Variants in GXYLT2 observed in about 807,000 individuals in gnomAD.
The protein encoded by GXYLT2 is glycosyltransferase 8 domain containing 4.
A neutral mutation model predicts 45.8 loss-of-function variants in GXYLT2; 53 were observed. The ratio of observed to expected loss-of-function variants is 1.16; its 90% CI spans 0.93 to 1.46. GXYLT2 has a LOEUF of 1.46. GXYLT2 is among the 40% of genes most tolerant of loss of function. GXYLT2 has a pLI of 0.00. For missense variants in GXYLT2, 551 were observed against 544.4 expected (o/e 1.01, Z -0.12); for synonymous variants, 219 against 214.2 (o/e 1.02, Z -0.19).
chr3:72,969,692 G>T (rs1710948056), intron 6 of GXYLT2, among the ~76,000 whole-genome samples: 1 of 152,020 alleles, frequency 6.6e-6, no homozygotes, highest in African/African-American at 2.4e-5. Context: ...GATTAGTTGT[G>T]ACAAAGGACA....
chr3:72,935,866 T>C (rs909431813), intron 3 of GXYLT2, among the ~76,000 whole-genome samples: 1 of 152,136 alleles, frequency 6.6e-6, no homozygotes, highest in African/African-American at 2.4e-5. Context: ...TCTAATGTAC[T>C]CCACTGAAAT....
intron 1 of GXYLT2, among the ~76,000 whole-genome samples, chr3:72,891,727 TA>T (rs1408072229): frequency 6.6e-6 from 1 of 152,154 alleles, no homozygotes; most frequent in African/African-American, 2.4e-5. Flanking sequence ...TGAAATGGTA[TA>T]AAAAATGAAA....
At chr3:72,952,229 C>T (rs7612764) in intron 3 of GXYLT2, among the ~76,000 whole-genome samples, 2,359 of 152,094 alleles carry the variant, frequency 0.016, 52 homozygotes, top group African/African-American at 0.05. Context: ...TCTCAAACTC[C>T]TGACCTAAAG....
intron 2 of GXYLT2, among the ~76,000 whole-genome samples, chr3:72,917,158 T>C (rs1487595772): frequency 1.3e-5 from 2 of 152,064 alleles, no homozygotes; most frequent in Non-Finnish European, 2.9e-5. Context: ...CCAGGTGGAG[T>C]GCAGTGGTGC....
At chr3:72,944,956 T>G (rs1249432934) in intron 3 of GXYLT2, among the ~76,000 whole-genome samples, 1 of 152,102 alleles carries the variant, frequency 6.6e-6, no homozygotes, top group African/African-American at 2.4e-5. Flanking sequence ...GGCAATGCAG[T>G]GGTTTTCCTT....
chr3:72,955,162 T>C lies in GXYLT2; in HGVS notation c.665T>C (p.Val222Ala). 1 of 1,614,018 alleles carries C rather than the reference T, an allele frequency of 6.2e-7. No homozygotes were observed. The highest frequency in any genetic ancestry group is 8.5e-7 in the Non-Finnish European group (1 of 1,179,872). ...VDTDVLFLRP[V>A]DDIWKLLRLF... ...ACCGATGTCCTCTTTCTGAGACCTG[T>C]TGATGACATCTGGAAGCTTCTGAGG... is the stretch of plus-strand genomic sequence containing the variant. The change falls in exon 4 of 7, where the codon GTT becomes GCT. Residue 222 changes from valine to alanine, a missense_variant. Physicochemically the swap from Val to Ala is moderately conservative, Grantham distance 64. Coordinates refer to ENST00000389617, the MANE Select transcript of GXYLT2 (RefSeq NM_001080393.2).
intron 1 of GXYLT2, among the ~76,000 whole-genome samples, chr3:72,893,640 A>G (rs1227850443): frequency 2.6e-5 from 4 of 152,218 alleles, no homozygotes; most frequent in East Asian, 3.8e-4. Flanking sequence ...TACTTGTTGA[A>G]TGAACTAATG....
intron 1 of GXYLT2, among the ~76,000 whole-genome samples, chr3:72,897,869 CTAGAACCTCTCTAGTTTTTTGT>C (rs1709322515): frequency 2.0e-5 from 3 of 152,042 alleles, no homozygotes; most frequent in South Asian, 4.1e-4. Flanking sequence ...TGATAGCTTT[CTAGAACCTCTCTAGTTTTTTGT>C]TAGAACCTCT....
intron 3 of GXYLT2, among the ~76,000 whole-genome samples, chr3:72,954,287 T>C (rs1220593038): frequency 6.6e-6 from 1 of 151,692 alleles, no homozygotes; most frequent in Non-Finnish European, 1.5e-5. Context: ...TTTGTATTTT[T>C]AGTAGAGACA....
chr3:72,928,996 C>T, intron 3 of GXYLT2: 5 of 1,174,050 alleles, frequency 4.3e-6, no homozygotes, highest in Non-Finnish European at 6.2e-6. Context: ...GGCCCGCCGC[C>T]GCTCCAGCGC....
At chr3:72,889,907 G>GGTTT (rs1215251183) in intron 1 of GXYLT2, among the ~76,000 whole-genome samples, 10 of 118,796 alleles carry the variant, frequency 8.4e-5, no homozygotes, top group African/African-American at 3.3e-4. Context: ...TTTTTTTTTT[G>GGTTT]TTTTTTTTTT....
At chr3:72,958,551 TG>T (rs1366536699) in intron 5 of GXYLT2, among the ~76,000 whole-genome samples, 22 of 151,928 alleles carry the variant, frequency 1.4e-4, no homozygotes, top group African/African-American at 5.3e-4. Context: ...AAAAGCAGGT[TG>T]ATACAGAGTT....
At chr3:72,928,834 A>T (rs1709967568) in intron 3 of GXYLT2, among the ~76,000 whole-genome samples, 1 of 152,154 alleles carries the variant, frequency 6.6e-6, no homozygotes, top group Non-Finnish European at 1.5e-5. Context: ...ATTAGAAAAT[A>T]TTCACTTTGC....
chr3:72,963,723 A>C (rs893966335), intron 5 of GXYLT2, among the ~76,000 whole-genome samples: 16 of 133,164 alleles, frequency 1.2e-4, no homozygotes, highest in African/African-American at 4.6e-4. Flanking sequence ...CCCAGGCTGG[A>C]GGGCAATGGC....
intron 1 of GXYLT2, among the ~76,000 whole-genome samples, chr3:72,894,058 C>A (rs1709234385): frequency 6.6e-6 from 1 of 152,196 alleles, no homozygotes; most frequent in African/African-American, 2.4e-5. Context: ...ACTTATTTTA[C>A]ATTATTAAAC....
chr3:72,938,070 C>T (rs4677211), intron 3 of GXYLT2, among the ~76,000 whole-genome samples: 79,046 of 151,794 alleles, frequency 0.52, 22,799 homozygotes, highest in Non-Finnish European at 0.63. Flanking sequence ...CTGGCCTGGG[C>T]AACACAGTGA....
At chr3:72,956,044 C>G (rs907622199) in intron 4 of GXYLT2, among the ~76,000 whole-genome samples, 5 of 152,208 alleles carry the variant, frequency 3.3e-5, no homozygotes, top group African/African-American at 1.2e-4. Context: ...CGCCACTGTA[C>G]TCCAGCCTGG....
At chr3:72,954,900 C>T (rs950629709) in intron 3 of GXYLT2, among the ~76,000 whole-genome samples, 198 bp from the exon 4 acceptor site, 1 of 152,120 alleles carries the variant, frequency 6.6e-6, no homozygotes, top group Non-Finnish European at 1.5e-5. Context: ...GTCTCTACCT[C>T]TTGATTGACA....
At position 72,966,681 on chromosome 3, in the gene GXYLT2, G is replaced by C. The variant is rs550064448; in HGVS notation, c.977-866G>C. On this transcript the variant is annotated intron_variant, in intron 5 of 6. Transcript: ENST00000389617. ...GTCTTATTTTGTTGCTCAGGGTGGA[G>C]TGTAGTGGTGCGATCTTGGATCACT... 2.6e-5 allele frequency among the ~76,000 whole-genome samples: 4 copies of C among 151,176 alleles called. No individual in the cohort carries two copies. In the South Asian group the frequency reaches 6.3e-4, roughly 24 times the overall value.
Sources: gnomAD v4.1 joint callset for allele counts (sites outside exome capture counted in the v4.1 genomes callset) on GRCh38, gnomAD v4.1.1 for gene constraint, MANE v1.5 for transcripts, NCBI Gene and HGNC (gene_info 2026-07-23, HGNC 2026-07-21) for gene names.